TLK2: variants seen among roughly 807,000 people sequenced by gnomAD.
The protein encoded by TLK2 is serine/threonine-protein kinase tousled-like 2.
A neutral mutation model predicts 117.3 loss-of-function variants in TLK2; 6 were observed. The observed-to-expected ratio is 0.05, with a 90% CI of 0.03 to 0.10. The LOEUF (loss-of-function observed/expected upper bound fraction) is 0.10. Among genes scored for constraint, TLK2 ranks in the 10% least tolerant of loss-of-function variants. The pLI is 1.00. For synonymous variants in TLK2, 257 were observed against 316.7 expected, an observed-to-expected ratio of 0.81 and a Z score of 2.00; for missense variants, 299 against 901.2, an observed-to-expected ratio of 0.33 and a Z score of 8.56.
chr17:62,612,293 T>A, intron 21 of TLK2, 99 bp from the exon 22 acceptor site: 1 of 1,320,406 alleles, frequency 7.6e-7, no homozygotes, highest in South Asian at 1.4e-5. Context: ...CTTTAGTTGA[T>A]ATTTGCTCTG....
intron 2 of TLK2, among the ~76,000 whole-genome samples, chr17:62,498,934 C>G (rs2073951668): frequency 6.6e-6 from 1 of 152,192 alleles, no homozygotes; most frequent in Admixed American, 6.5e-5. Context: ...GCAGTCATGG[C>G]TCTCTGCAGC....
At chr17:62,500,228 C>A (rs976345835) in intron 2 of TLK2, among the ~76,000 whole-genome samples, 1 of 151,592 alleles carries the variant, frequency 6.6e-6, no homozygotes, top group African/African-American at 2.4e-5. Flanking sequence ...TACTACCACA[C>A]CTGGCTAATT....
At chr17:62,564,661 TC>T (rs2079596565) in intron 10 of TLK2, among the ~76,000 whole-genome samples, 1 of 150,958 alleles carries the variant, frequency 6.6e-6, no homozygotes, top group Non-Finnish European at 1.5e-5. Context: ...TGAGCCGAGA[TC>T]ATGACTCTGC....
chr17:62,585,890 T>C (rs961789127), intron 15 of TLK2: 4 of 338,388 alleles, frequency 1.2e-5, no homozygotes, highest in Non-Finnish European at 2.2e-5. Context: ...GCAGGGGCTA[T>C]CTTTCTGTTT....
At chr17:62,498,157 T>C (rs1353870690) in intron 2 of TLK2, among the ~76,000 whole-genome samples, 1 of 152,216 alleles carries the variant, frequency 6.6e-6, no homozygotes, top group African/African-American at 2.4e-5. Context: ...AAATGAGGGC[T>C]TACATTAAAT....
At chr17:62,586,867 C>T (rs576256511) in intron 16 of TLK2, among the ~76,000 whole-genome samples, 1 of 151,790 alleles carries the variant, frequency 6.6e-6, no homozygotes, top group Non-Finnish European at 1.5e-5. Context: ...GAAACTAGAC[C>T]CTAGGGAGCT....
intron 2 of TLK2, among the ~76,000 whole-genome samples, chr17:62,499,849 T>TAA (rs771994863): frequency 1.5e-5 from 2 of 136,910 alleles, no homozygotes; most frequent in East Asian, 4.1e-4. Context: ...AGACTCAGTC[T>TAA]AAAAAAAAAA....
intron 2 of TLK2, among the ~76,000 whole-genome samples, chr17:62,510,031 CACT>C (rs1435275692): frequency 6.6e-6 from 1 of 152,186 alleles, no homozygotes; most frequent in Non-Finnish European, 1.5e-5. Flanking sequence ...GTAATCCCAG[CACT>C]TTCGGAGGTA....
chr17:62,499,899 A>G (rs1035007906), intron 2 of TLK2, among the ~76,000 whole-genome samples: 2 of 152,026 alleles, frequency 1.3e-5, no homozygotes, highest in African/African-American at 2.4e-5. Context: ...AACTTATTTT[A>G]ACAAGTTCTC....
intron 15 of TLK2, 83 bp downstream of exon 15, chr17:62,580,275 A>T (rs2081113039): frequency 1.0e-6 from 1 of 992,240 alleles, no homozygotes; most frequent in Non-Finnish European, 1.5e-6. Flanking sequence ...AATACTGATA[A>T]TTGTAGGTTG....
chr17:62,590,517 A>G (rs1317057579), intron 16 of TLK2, among the ~76,000 whole-genome samples: 1 of 152,276 alleles, frequency 6.6e-6, no homozygotes, highest in Non-Finnish European at 1.5e-5. Context: ...TAAAAATGCA[A>G]GTGTGCTGGC....
At chr17:62,481,297 A>T in intron 2 of TLK2, 91 bp downstream of exon 2, 3 of 1,428,394 alleles carry the variant, frequency 2.1e-6, no homozygotes, top group African/African-American at 1.4e-5. Flanking sequence ...GGCCCTTCTG[A>T]TAGTTTGCAG....
At chr17:62,515,375 T>A (rs2075497142) in intron 2 of TLK2, among the ~76,000 whole-genome samples, 1 of 152,226 alleles carries the variant, frequency 6.6e-6, no homozygotes, top group African/African-American at 2.4e-5. Context: ...CATACGATAA[T>A]TCCGTTTTTG....
rs1438722800 is a variant in TLK2, at chr17:62,556,542, T to C, written c.720+2787T>C. Among the ~76,000 whole-genome samples the C allele has an allele frequency of 2.6e-5, 4 of 152,232 alleles. 1 individual carries two copies. The highest frequency in any genetic ancestry group is 6.5e-5 in the Admixed American group (1 of 15,274). On this transcript the variant is annotated intron_variant, in intron 9 of 21. Transcript: ENST00000346027. ...GCAGGATTTTTGTGTCATAACCCCT[T>C]GTTCTATTCGTTCTGCCTCTCAAAT...
At chr17:62,511,748 A>G (rs2075160815) in intron 2 of TLK2, among the ~76,000 whole-genome samples, 1 of 152,188 alleles carries the variant, frequency 6.6e-6, no homozygotes, top group African/African-American at 2.4e-5. Context: ...TAAATAGGCC[A>G]TTCCTTTTTA....
At chr17:62,572,760 G>A (rs1355236403) in intron 11 of TLK2, 1 of 153,092 alleles carries the variant, frequency 6.5e-6, no homozygotes, top group Non-Finnish European at 1.5e-5. Context: ...ACTTTCTTTA[G>A]CATCCTACAA....
intron 16 of TLK2, among the ~76,000 whole-genome samples, chr17:62,593,074 C>G (rs914531146): frequency 6.6e-6 from 1 of 152,312 alleles, no homozygotes; most frequent in South Asian, 2.1e-4. Flanking sequence ...TGCTCACCTC[C>G]TGCTGTGTGG....
chr17:62,484,336 G>T (rs1474203350), intron 2 of TLK2, among the ~76,000 whole-genome samples: 1 of 150,608 alleles, frequency 6.6e-6, no homozygotes, highest in Non-Finnish European at 1.5e-5. Flanking sequence ...CACTCTTGTT[G>T]CCCAGGCTGG....
intron 15 of TLK2, among the ~76,000 whole-genome samples, chr17:62,581,613 T>A (rs536331269): frequency 1.1e-4 from 17 of 150,778 alleles, no homozygotes; most frequent in African/African-American, 3.9e-4. Context: ...AATTTTTGTA[T>A]TTTTTTTTAT....
Sources: allele counts gnomAD v4.1 joint callset (sites outside exome capture counted in the v4.1 genomes callset), GRCh38; gene constraint gnomAD v4.1.1; transcripts MANE v1.5; gene names NCBI Gene and HGNC (gene_info 2026-07-23, HGNC 2026-07-21).